The following DNAJC6 variants were observed in gnomAD, a reference collection of about 807,000 sequenced individuals.
DNAJC6 encodes the protein DnaJ heat shock protein family (Hsp40) member C6.
A neutral mutation model predicts 110.0 loss-of-function variants in DNAJC6; 34 were observed. The observed-to-expected ratio is 0.31, with a 90% CI of 0.24 to 0.41. The LOEUF is 0.41. DNAJC6 is among the 10% of genes least tolerant of loss of function. The probability of loss-of-function intolerance (pLI) is 1.00; values close to 1 mark genes in which losing one functional copy is unlikely to be tolerated. For synonymous variants in DNAJC6, 406 were observed against 437.2 expected, an observed-to-expected ratio of 0.93 and a Z score of 0.89; for missense variants, 1,031 against 1,207.8, an observed-to-expected ratio of 0.85 and a Z score of 2.17.
intron 1 of DNAJC6, among the ~76,000 whole-genome samples, chr1:65,276,904 A>G (rs1267348003): frequency 2.0e-5 from 3 of 152,098 alleles, no homozygotes; most frequent in African/African-American, 2.4e-5. Flanking sequence ...TTCTTACCCC[A>G]TGCTAAGAAT....
chr1:65,395,873 G>C (rs1454438942), intron 13 of DNAJC6, among the ~76,000 whole-genome samples: 1 of 152,100 alleles, frequency 6.6e-6, no homozygotes, highest in African/African-American at 2.4e-5. Context: ...TAAAACCGGA[G>C]GTCTGCAGTG....
intron 14 of DNAJC6, among the ~76,000 whole-genome samples, chr1:65,400,164 A>G (rs1337076607): frequency 1.3e-5 from 2 of 152,216 alleles, no homozygotes. Flanking sequence ...TCGGTGACAG[A>G]GTGAGAAACC....
intron 16 of DNAJC6, 106 bp from the exon 17 acceptor site, chr1:65,408,527 TAAGGACTG>T: frequency 1.7e-6 from 2 of 1,180,620 alleles, no homozygotes; most frequent in Admixed American, 2.3e-5. Context: ...GCATGAGGGT[TAAGGACTG>T]AATGCATATT....
At chr1:65,391,174 A>G (rs983475556) in intron 11 of DNAJC6, among the ~76,000 whole-genome samples, 1 of 152,232 alleles carries the variant, frequency 6.6e-6, no homozygotes, top group African/African-American at 2.4e-5. Context: ...GCAGTAGAAC[A>G]TATAAACAAT....
chr1:65,268,853 T>C (rs1653418017), intron 1 of DNAJC6, among the ~76,000 whole-genome samples: 1 of 152,200 alleles, frequency 6.6e-6, no homozygotes, highest in Non-Finnish European at 1.5e-5. Context: ...ATTTTCTTTT[T>C]ACTAAGTTCT....
chr1:65,314,677 G>A lies in DNAJC6; in HGVS notation c.193+4739G>A, dbSNP rs1032975278. Reference sequence around the variant, plus strand: ...TAATTTTTGTACTTTTAGAAAAGACGGAGTTTCGCCATGTTGGCCAGGTTG... The same window carrying A: ...TAATTTTTGTACTTTTAGAAAAGACAGAGTTTCGCCATGTTGGCCAGGTTG... On this transcript the variant is annotated intron_variant, in intron 1 of 18. Transcript: ENST00000371069. Among the ~76,000 whole-genome samples, 7 of 152,206 alleles carry A rather than the reference G, an allele frequency of 4.6e-5. No homozygotes were observed. In the South Asian group the frequency reaches 1.0e-3, roughly 23 times the overall value.
intron 1 of DNAJC6, among the ~76,000 whole-genome samples, chr1:65,324,904 A>G (rs1267178534): frequency 1.3e-5 from 2 of 152,220 alleles, no homozygotes; most frequent in Admixed American, 6.5e-5. Context: ...CAAAATGTCA[A>G]TAGTGCCGAG....
At chr1:65,323,582 C>A (rs574923477) in intron 1 of DNAJC6, among the ~76,000 whole-genome samples, 2 of 152,048 alleles carry the variant, frequency 1.3e-5, no homozygotes, top group South Asian at 4.2e-4. Flanking sequence ...GATTAATACA[C>A]CTTCCTTCCT....
chr1:65,399,979 A>G (rs7415248), intron 14 of DNAJC6, among the ~76,000 whole-genome samples: 29,110 of 152,012 alleles, frequency 0.19, 6,288 homozygotes, highest in East Asian at 0.58. Flanking sequence ...CCAGGAGTTC[A>G]TGACCAGTCC....
chr1:65,290,425 C>T (rs972481948), intron 1 of DNAJC6, among the ~76,000 whole-genome samples: 8 of 152,106 alleles, frequency 5.3e-5, no homozygotes, highest in African/African-American at 1.7e-4. Context: ...ATTCTGTTTG[C>T]GTCAATATCG....
intron 13 of DNAJC6, among the ~76,000 whole-genome samples, chr1:65,398,153 T>C (rs992509904): frequency 6.6e-5 from 10 of 152,202 alleles, no homozygotes. Flanking sequence ...TTAAATTATA[T>C]GTTTGGAACT....
intron 17 of DNAJC6, among the ~76,000 whole-genome samples, chr1:65,410,017 G>A (rs1646114124): frequency 6.6e-6 from 1 of 152,152 alleles, no homozygotes; most frequent in African/African-American, 2.4e-5. Context: ...AACAGAGGGT[G>A]GTTCTGTTGA....
chr1:65,357,023 C>A (rs1291875545), intron 1 of DNAJC6, among the ~76,000 whole-genome samples: 1 of 152,134 alleles, frequency 6.6e-6, no homozygotes, highest in Non-Finnish European at 1.5e-5. Context: ...TCTGAAAAAT[C>A]TGTTACAAAG....
intron 12 of DNAJC6, among the ~76,000 whole-genome samples, chr1:65,394,616 A>G (rs1645959949): frequency 6.6e-6 from 1 of 152,222 alleles, no homozygotes; most frequent in Non-Finnish European, 1.5e-5. Context: ...TAACAAATAA[A>G]TCCTGCTCTT....
upstream of DNAJC6, among the ~76,000 whole-genome samples, chr1:65,305,515 A>C (rs938310233): frequency 1.3e-5 from 2 of 152,206 alleles, no homozygotes; most frequent in African/African-American, 4.8e-5. Flanking sequence ...CGGCTACAGC[A>C]TATAGTTTAA....
intron 1 of DNAJC6, among the ~76,000 whole-genome samples, chr1:65,342,105 C>T (rs1252122088): frequency 6.6e-6 from 1 of 152,084 alleles, no homozygotes; most frequent in Non-Finnish European, 1.5e-5. Context: ...TTGACTGTTT[C>T]CTTTTATGTT....
intron 1 of DNAJC6, among the ~76,000 whole-genome samples, chr1:65,356,586 A>AAATAAAT (rs147585140): frequency 1.2e-4 from 18 of 144,832 alleles, no homozygotes; most frequent in Non-Finnish European, 2.2e-4. Flanking sequence ...ATAAATAAAT[A>AAATAAAT]AAATAAAATA....
chr1:65,289,745 C>G (rs1190643022), intron 1 of DNAJC6, among the ~76,000 whole-genome samples: 2 of 151,610 alleles, frequency 1.3e-5, no homozygotes, highest in African/African-American at 4.8e-5. Flanking sequence ...CCTGAGCTTA[C>G]TAAGGCAGAG....
intron 1 of DNAJC6, among the ~76,000 whole-genome samples, chr1:65,313,722 G>A (rs565076597): frequency 2.0e-5 from 3 of 152,280 alleles, no homozygotes; most frequent in Admixed American, 6.5e-5. Flanking sequence ...GAATGTAATG[G>A]CTTTCTAAGT....
Sources: gnomAD v4.1 joint callset for allele counts (sites outside exome capture counted in the v4.1 genomes callset) on GRCh38, gnomAD v4.1.1 for gene constraint, MANE v1.5 for transcripts, NCBI Gene and HGNC (gene_info 2026-07-23, HGNC 2026-07-21) for gene names.